Variants in CEBPG observed in about 807,000 individuals in gnomAD.
CEBPG encodes the protein CCAAT/enhancer-binding protein gamma.
A neutral mutation model predicts 11.1 loss-of-function variants in CEBPG; 6 were observed. The observed-to-expected ratio is 0.54, with a 90% confidence interval of 0.30 to 1.07. CEBPG has a LOEUF of 1.07. Among genes scored for constraint, CEBPG ranks in the 50% least tolerant of loss-of-function variants. The pLI is 0.07. For synonymous variants in CEBPG, 66 were observed against 71.0 expected (o/e 0.93, Z 0.36); for missense variants, 161 against 187.4 (o/e 0.86, Z 0.82).
Position 33,381,387 on chromosome 19 carries a change from C to CTT in CEBPG, c.*1696_*1697dup, listed in dbSNP as rs1452018655. On this transcript the variant is annotated 3_prime_UTR_variant, in exon 2 of 2. Coordinates refer to ENST00000284000, the MANE Select transcript of CEBPG (RefSeq NM_001806.4). ...AGCCATTCTTAAGAGTCGTGAGGTC[C>CTT]TTCTGAATGTAAAACTGGAGCCCAG... 1 of 167,052 alleles carries CTT rather than the reference C, an allele frequency of 6.0e-6. No homozygotes were observed. Among genetic ancestry groups the CTT allele is most frequent in the African/African-American group, 2.4e-5 (1 of 41,438 alleles). 10.3% of individuals were successfully genotyped at this position (167,052 alleles called of 1,614,324 possible).
In CEBPG at chr19:33,379,963, C is replaced by T. The variant is rs1054679580; in HGVS notation, c.*271C>T. 1.9e-5 allele frequency: 6 copies of T among 309,504 alleles called. No homozygotes were observed. Among genetic ancestry groups the T allele is most frequent in the Admixed American group, 4.9e-5 (1 of 20,300 alleles). The allele number at this position is 309,504 out of a possible 1,614,324, so 19.2% of individuals were successfully genotyped here. ...GTAAAAAAAGAAATATCTGGGATCC[C>T]GATGTTCTTAATAAATCCTGACTTC... On this transcript the variant is annotated 3_prime_UTR_variant, in exon 2 of 2. Transcript: ENST00000284000.
rs762759186 is a variant in CEBPG at position 33,381,317 on chromosome 19, G to C, written c.*1625G>C. The C allele has an allele frequency of 1.2e-5, 2 of 167,080 alleles. No individual in the cohort carries two copies. Among genetic ancestry groups the C allele is most frequent in the African/African-American group, 2.4e-5 (1 of 41,446 alleles). 10.3% of individuals were successfully genotyped at this position (167,080 alleles called of 1,614,324 possible). A position where few individuals can be genotyped will look rare whatever the true frequency, so the allele number is the denominator to read the frequency against. ...TTGGTGGAAGATTGCTGACCGTGCCGTTTCTGGGCAGGAGAAGACATCATG... is the reference window on the plus strand; with the variant it reads ...TTGGTGGAAGATTGCTGACCGTGCCCTTTCTGGGCAGGAGAAGACATCATG... On this transcript the variant is annotated 3_prime_UTR_variant, in exon 2 of 2. Transcript: ENST00000284000.
chr19:33,381,585 G>C lies in CEBPG; in HGVS notation c.*1893G>C. The C allele has an allele frequency of 6.0e-6, 1 of 167,064 alleles. No individual in the cohort carries two copies. Among genetic ancestry groups the C allele is most frequent in the Non-Finnish European group, 1.5e-5 (1 of 68,104 alleles). The allele number at this position is 167,064 out of a possible 1,614,324, so 10.3% of individuals were successfully genotyped here. A position where few individuals can be genotyped will look rare whatever the true frequency, so the allele number is the denominator to read the frequency against. ...ACAGGATCCTACTGGCTCCTTAGCA[G>C]CTGATTGGTGTTACATAATTAACTT... On this transcript the variant is annotated 3_prime_UTR_variant, in exon 2 of 2. Coordinates refer to ENST00000284000, the MANE Select transcript of CEBPG (RefSeq NM_001806.4).
At position 33,379,395 on chromosome 19, in the gene CEBPG, C is replaced by G; in HGVS notation, c.156C>G (p.Ser52Arg). The G allele has an allele frequency of 6.2e-7, 1 of 1,613,884 alleles. No homozygotes were observed. Among genetic ancestry groups the G allele is most frequent in the Non-Finnish European group, 8.5e-7 (1 of 1,180,006 alleles). ...AAGCTGTGGCTCCCAGCAAGCAGAG[C>G]AAAAAGAGTTCGCCCATGGATCGAA... ...GGKAVAPSKQ[S>R]KKSSPMDRNS... The change falls in exon 2 of 2, where the codon AGC becomes AGG. Residue 52 changes from serine to arginine, a missense_variant. Coordinates refer to ENST00000284000, the MANE Select transcript of CEBPG (RefSeq NM_001806.4).
At chr19:33,375,500 TAAAA>T (rs991947646) in intron 1 of CEBPG, among the ~76,000 whole-genome samples, 1 of 151,960 alleles carries the variant, frequency 6.6e-6, no homozygotes, top group Non-Finnish European at 1.5e-5. Context: ...GCTCTATCAG[TAAAA>T]AAAAGACAAA....
chr19:33,376,235 A>G (rs919779635), intron 1 of CEBPG, among the ~76,000 whole-genome samples: 2 of 152,196 alleles, frequency 1.3e-5, no homozygotes, highest in Non-Finnish European at 2.9e-5. Context: ...CTGTGGAGAA[A>G]AGGGACAAAA....
Position 33,379,910 on chromosome 19 carries a change from CA to C in CEBPG, c.*222del, listed in dbSNP as rs955229790. The C allele has an allele frequency of 8.7e-6, 4 of 460,208 alleles. No individual in the cohort carries two copies. The highest frequency in any genetic ancestry group is 1.2e-5 in the Non-Finnish European group (3 of 253,512). 28.5% of individuals were successfully genotyped at this position (460,208 alleles called of 1,614,324 possible). On this transcript the variant is annotated 3_prime_UTR_variant, in exon 2 of 2. Coordinates refer to ENST00000284000, the MANE Select transcript of CEBPG (RefSeq NM_001806.4). Reference sequence around the variant, plus strand: ...AAATGATAGAGGTTTTTGTGGGAATCAAAATCCCCCAAATGTTAAGGTATAT... The same window carrying C: ...AAATGATAGAGGTTTTTGTGGGAATCAAATCCCCCAAATGTTAAGGTATAT...
intron 1 of CEBPG, among the ~76,000 whole-genome samples, chr19:33,375,530 C>T (rs1224242577): frequency 6.6e-6 from 1 of 152,150 alleles, no homozygotes; most frequent in Non-Finnish European, 1.5e-5. Context: ...GCATGACCTC[C>T]TAATGGATGT....
chr19:33,379,692 GACCTC>G lies in CEBPG; in HGVS notation c.*4_*8del, dbSNP rs111261412. On this transcript the variant is annotated 3_prime_UTR_variant, in exon 2 of 2. Coordinates refer to ENST00000284000, the MANE Select transcript of CEBPG (RefSeq NM_001806.4). ...CAGATGGCGACAATGCAGGACAGTA[GACCTC>G]ACCCTTTCCAGACTTTAGAGCTTGT... 10,689 of 1,600,770 alleles carry G rather than the reference GACCTC, an allele frequency of 6.7e-3. 310 individuals carry two copies. In the East Asian group the frequency reaches 0.1, roughly 15 times the overall value.
Position 33,381,455 on chromosome 19 carries a change from G to C in CEBPG, c.*1763G>C, listed in dbSNP as rs1179611690. 1 of 166,984 alleles carries C rather than the reference G, an allele frequency of 6.0e-6. No individual in the cohort carries two copies. Among genetic ancestry groups the C allele is most frequent in the East Asian group, 1.9e-4 (1 of 5,190 alleles). 10.3% of individuals were successfully genotyped at this position (166,984 alleles called of 1,614,324 possible). On this transcript the variant is annotated 3_prime_UTR_variant, in exon 2 of 2. Coordinates refer to ENST00000284000, the MANE Select transcript of CEBPG (RefSeq NM_001806.4). Reference sequence around the variant, plus strand: ...GGGCTGTTAACTCCCTATAGAGCCAGGAGACAGGATAGGGGTTTCTAGGGT... The same window carrying C: ...GGGCTGTTAACTCCCTATAGAGCCACGAGACAGGATAGGGGTTTCTAGGGT...
intron 1 of CEBPG, among the ~76,000 whole-genome samples, chr19:33,376,219 C>G (rs1406944207): frequency 6.6e-6 from 1 of 152,068 alleles, no homozygotes; most frequent in Non-Finnish European, 1.5e-5. Context: ...ATATTGGGTT[C>G]TAGGTCTGTG....
chr19:33,379,355 C>G lies in CEBPG; in HGVS notation c.116C>G (p.Pro39Arg), dbSNP rs1430215713. 8.1e-6 allele frequency: 13 copies of G among 1,613,804 alleles called. No individual in the cohort carries two copies. In the Middle Eastern group the frequency reaches 4.9e-4, roughly 61 times the overall value. The change falls in exon 2 of 2, where the codon CCT becomes CGT. Residue 39 changes from proline (P) to arginine (R), a missense_variant. Pro to Arg is a moderately radical substitution (Grantham distance 103, BLOSUM62 -2). Coordinates refer to ENST00000284000, the MANE Select transcript of CEBPG (RefSeq NM_001806.4). Reference protein sequence around the residue: ...QQVPQLVPAGPGGGGKAVAPS... With the variant: ...QQVPQLVPAGRGGGGKAVAPS... Reference sequence around the variant, plus strand: ...GTTCCTCAGCTGGTGCCTGCTGGCCCTGGGGGAGGAGGCAAAGCTGTGGCT... The same window carrying G: ...GTTCCTCAGCTGGTGCCTGCTGGCCGTGGGGGAGGAGGCAAAGCTGTGGCT...
rs191375408 is a variant in CEBPG at position 33,379,919 on chromosome 19, C to G, written c.*227C>G. The G allele has an allele frequency of 4.6e-5, 21 of 452,298 alleles. No individual in the cohort carries two copies. The Admixed American group carries it at 6.4e-4, about 14-fold the overall frequency. The allele number at this position is 452,298 out of a possible 1,614,324, so 28.0% of individuals were successfully genotyped here. A position where few individuals can be genotyped will look rare whatever the true frequency, so the allele number is the denominator to read the frequency against. On this transcript the variant is annotated 3_prime_UTR_variant, in exon 2 of 2. Transcript: ENST00000284000. ...AGGTTTTTGTGGGAATCAAAATCCC[C>G]CAAATGTTAAGGTATATGGTAAAAA... is the stretch of plus-strand genomic sequence containing the variant.
rs1345782722 is a variant in CEBPG at position 33,379,411 on chromosome 19, A to G, written c.172A>G (p.Met58Val). Reference sequence around the variant, plus strand: ...CAAGCAGAGCAAAAAGAGTTCGCCCATGGATCGAAACAGTGACGAGTATCG... The same window carrying G: ...CAAGCAGAGCAAAAAGAGTTCGCCCGTGGATCGAAACAGTGACGAGTATCG... ...PSKQSKKSSP[M>V]DRNSDEYRQR... The change falls in exon 2 of 2, where the codon ATG (methionine) becomes GTG (valine). Residue 58 changes from methionine to valine, a missense_variant. Coordinates refer to ENST00000284000, the MANE Select transcript of CEBPG (RefSeq NM_001806.4). 9.3e-6 allele frequency: 15 copies of G among 1,614,028 alleles called. No individual in the cohort carries two copies. Among genetic ancestry groups the G allele is most frequent in the Non-Finnish European group, 1.3e-5 (15 of 1,180,030 alleles).
Position 33,378,919 on chromosome 19 carries a change from C to T in CEBPG, c.-96-225C>T, listed in dbSNP as rs1382552220. 3.9e-5 allele frequency among the ~76,000 whole-genome samples: 6 copies of T among 152,348 alleles called. No homozygotes were observed. The East Asian group carries it at 1.2e-3, about 29-fold the overall frequency. On this transcript the variant is annotated intron_variant, in intron 1 of 1. Coordinates refer to ENST00000284000, the MANE Select transcript of CEBPG (RefSeq NM_001806.4). ...ATAACAATCGCAGAGGGGCAGTGCCCTCAGGGATCCAGGTGGGCTGAGTTT... is the reference window on the plus strand; with the variant it reads ...ATAACAATCGCAGAGGGGCAGTGCCTTCAGGGATCCAGGTGGGCTGAGTTT...
intron 1 of CEBPG, chr19:33,374,650 G>T (rs1011267107): frequency 6.6e-6 from 1 of 152,244 alleles, no homozygotes; most frequent in Non-Finnish European, 1.5e-5. Context: ...CATGTGTCGC[G>T]GGGGGAGGAG....
rs775712311 is a variant in CEBPG at position 33,379,357 on chromosome 19, G to C, written c.118G>C (p.Gly40Arg). 16 of 1,613,894 alleles carry C rather than the reference G, an allele frequency of 9.9e-6. No individual in the cohort carries two copies. The highest frequency in any genetic ancestry group is 1.2e-5 in the Non-Finnish European group (14 of 1,180,012). Residue 40 changes from glycine (G) to arginine (R), a missense_variant, in exon 2 of 2, where the codon GGG (glycine) becomes CGG (arginine). By Grantham distance (125) the Gly-to-Arg change is moderately radical (BLOSUM62 -2). Coordinates refer to ENST00000284000, the MANE Select transcript of CEBPG (RefSeq NM_001806.4). ...QVPQLVPAGPGGGGKAVAPSK... is the reference protein window; with the variant it reads ...QVPQLVPAGPRGGGKAVAPSK... ...TCCTCAGCTGGTGCCTGCTGGCCCT[G>C]GGGGAGGAGGCAAAGCTGTGGCTCC...
rs1444380430 is a variant in CEBPG, at chr19:33,379,713, T to C, written c.*21T>C. On this transcript the variant is annotated 3_prime_UTR_variant, in exon 2 of 2. Transcript: ENST00000284000. ...AGTAGACCTCACCCTTTCCAGACTT[T>C]AGAGCTTGTGGCTTGAATGTTAAAG... 4.4e-6 allele frequency: 7 copies of C among 1,580,780 alleles called. No homozygotes were observed. The highest frequency in any genetic ancestry group is 1.8e-5 in the Admixed American group (1 of 56,920).
chr19:33,379,783 A>G lies in CEBPG; in HGVS notation c.*91A>G. 1 of 1,241,698 alleles carries G rather than the reference A, an allele frequency of 8.1e-7. No homozygotes were observed. The highest frequency in any genetic ancestry group is 1.1e-6 in the Non-Finnish European group (1 of 899,144). The allele number at this position is 1,241,698 out of a possible 1,614,324, so 76.9% of individuals were successfully genotyped here. A position where few individuals can be genotyped will look rare whatever the true frequency, so the allele number is the denominator to read the frequency against. ...TCATGTCAATGGCTGAAAGTTGTCC[A>G]TTTCCATGACTCAAAGACCCATTGG... On this transcript the variant is annotated 3_prime_UTR_variant, in exon 2 of 2. Coordinates refer to ENST00000284000, the MANE Select transcript of CEBPG (RefSeq NM_001806.4).
Sources: allele counts gnomAD v4.1 joint callset (sites outside exome capture counted in the v4.1 genomes callset), GRCh38; gene constraint gnomAD v4.1.1; transcripts MANE v1.5; gene names NCBI Gene and HGNC (gene_info 2026-07-23, HGNC 2026-07-21).